The following LILRA1 variants were observed in gnomAD, a reference collection of about 807,000 sequenced individuals.
LILRA1 encodes leukocyte immunoglobulin-like receptor subfamily A member 1.
In LILRA1, 51 loss-of-function variants were observed where a neutral mutation model predicts 51.6. The observed-to-expected ratio is 0.99, with a 90% CI of 0.79 to 1.25. LILRA1 has a LOEUF of 1.25. LILRA1 is among the 50% of genes most tolerant of loss of function. The pLI, the probability that LILRA1 is intolerant of heterozygous loss-of-function variation, is 0.00. For missense variants in LILRA1, 660 were observed against 611.7 expected (o/e 1.08, Z -0.83); for synonymous variants, 305 against 248.4 (o/e 1.23, Z -2.14).
chr19:54,598,747 TA>T (rs1266661563), intron 7 of LILRA1, among the ~76,000 whole-genome samples: 1 of 152,188 alleles, frequency 6.6e-6, no homozygotes, highest in Non-Finnish European at 1.5e-5. Flanking sequence ...ACTTCACTTA[TA>T]AATTGTTAAA....
intron 7 of LILRA1, among the ~76,000 whole-genome samples, chr19:54,597,522 G>C (rs570092047): frequency 1.3e-5 from 2 of 152,152 alleles, no homozygotes; most frequent in East Asian, 3.9e-4. Flanking sequence ...CCCACACCCC[G>C]ACCTTGTCCT....
At position 54,594,271 on chromosome 19, in the gene LILRA1, C is replaced by A; in HGVS notation, c.27C>A (p.Ile9=). ...TGACCCCCATCGTCACAGTCCTGAT[C>A]TGTCTCAGTGAGATTTGAAGAGGGA... MTPIVTVL[I]CLRLSLGPRT... Residue 9 remains isoleucine, a synonymous_variant, in exon 2 of 10, where the codon ATC becomes ATA. Transcript: ENST00000251372. 9.3e-6 allele frequency: 15 copies of A among 1,612,188 alleles called. No individual in the cohort carries two copies. Among genetic ancestry groups the A allele is most frequent in the East Asian group, 2.2e-5 (1 of 44,872 alleles).
In LILRA1 at chr19:54,594,343, A is replaced by G. The variant is rs556098122; in HGVS notation, c.34+65A>G. ...GGACCTCACCCCACAGCCGACCTCTAGTCCCTAAGGAGACCCCAGGGGCTC... is the reference window on the plus strand; with the variant it reads ...GGACCTCACCCCACAGCCGACCTCTGGTCCCTAAGGAGACCCCAGGGGCTC... On this transcript the variant is annotated intron_variant, in intron 2 of 9. Transcript: ENST00000251372. 15 of 1,597,506 alleles carry G rather than the reference A, an allele frequency of 9.4e-6. No homozygotes were observed. The African/African-American group carries it at 1.4e-4, about 15-fold the overall frequency.
At chr19:54,594,137 G>A in intron 1 of LILRA1, 60 bp from the exon 2 acceptor site, 2 of 1,502,930 alleles carry the variant, frequency 1.3e-6, no homozygotes, top group Non-Finnish European at 9.2e-7. Context: ...GCCTCCGAGT[G>A]TCCACACTGG....
rs145746243 is a variant in LILRA1 at position 54,596,239 on chromosome 19, G to A, written c.1009G>A (p.Ala337Thr). Residue 337 changes from alanine (A) to threonine (T), a missense_variant, in exon 7 of 10, where the codon GCC becomes ACC. By Grantham distance (58) the Ala-to-Thr change is moderately conservative (BLOSUM62 0). Coordinates refer to ENST00000251372, the MANE Select transcript of LILRA1 (RefSeq NM_006863.4). ...FISVHPGPTV[A>T]SGENVTLLCQ... is the part of the protein sequence containing the mutation. ...CTCGGTGCATCCGGGCCCCACGGTG[G>A]CCTCAGGAGAGAACGTGACCCTGCT... The A allele has an allele frequency of 1.4e-3, 2,280 of 1,614,010 alleles. 28 individuals are homozygous for A. In the African/African-American group the frequency reaches 0.027, roughly 19 times the overall value.
At chr19:54,599,469 G>T in intron 8 of LILRA1, 183 bp downstream of exon 8, 2 of 1,258,170 alleles carry the variant, frequency 1.6e-6, no homozygotes, top group East Asian at 5.1e-5. Context: ...TAAAATAAGA[G>T]ATAACTATCC....
At chr19:54,599,203 A>G in intron 7 of LILRA1, 33 bp from the exon 8 acceptor site, 1 of 1,533,848 alleles carries the variant, frequency 6.5e-7, no homozygotes, top group Non-Finnish European at 8.8e-7. Context: ...GTTACCTCTG[A>G]ATATGTCTCT....
chr19:54,596,815 T>C (rs1305623077), intron 7 of LILRA1, among the ~76,000 whole-genome samples: 1 of 151,456 alleles, frequency 6.6e-6, no homozygotes, highest in African/African-American at 2.4e-5. Flanking sequence ...TGCCGTGAGC[T>C]GATGTCATGC....
chr19:54,600,652 A>G (rs749093969), intron 9 of LILRA1, 47 bp from the exon 10 acceptor site: 1 of 1,612,562 alleles, frequency 6.2e-7, no homozygotes, highest in Admixed American at 1.7e-5. Flanking sequence ...TCCTGGGTGA[A>G]GTTGATCTGC....
In LILRA1 at chr19:54,601,033, C is replaced by G; in HGVS notation, c.*216C>G. ...ATGAAGGACCATTAACCTGTGATAC[C>G]TTTCCTCTCTATTAATGTTGACTTC... is the stretch of plus-strand genomic sequence containing the variant. On this transcript the variant is annotated 3_prime_UTR_variant, in exon 10 of 10. Transcript: ENST00000251372. 1 of 610,794 alleles carries G rather than the reference C, an allele frequency of 1.6e-6. No homozygotes were observed. Among genetic ancestry groups the G allele is most frequent in the Non-Finnish European group, 2.9e-6 (1 of 344,798 alleles). 37.8% of individuals were successfully genotyped at this position (610,794 alleles called of 1,614,324 possible).
chr19:54,596,571 G>C, intron 7 of LILRA1, 80 bp downstream of exon 7: 1 of 1,573,360 alleles, frequency 6.4e-7, no homozygotes, highest in Non-Finnish European at 8.7e-7. Flanking sequence ...TGGACACTAA[G>C]AAAAGAGGGG....
chr19:54,596,760 G>A (rs1035430468), intron 7 of LILRA1, among the ~76,000 whole-genome samples: 1 of 152,110 alleles, frequency 6.6e-6, no homozygotes, highest in Non-Finnish European at 1.5e-5. Context: ...CCAGGTACTC[G>A]GGAGGCTGAG....
At position 54,600,946 on chromosome 19, in the gene LILRA1, G is replaced by A. The variant is rs562170210; in HGVS notation, c.*129G>A. On this transcript the variant is annotated 3_prime_UTR_variant, in exon 10 of 10. Coordinates refer to ENST00000251372, the MANE Select transcript of LILRA1 (RefSeq NM_006863.4). ...AGGGCTGATGCTATCTGGACTGTCT[G>A]CCAATCATTTTTAGAGGGAGGAATC... 3 of 1,027,212 alleles carry A rather than the reference G, an allele frequency of 2.9e-6. No homozygotes were observed. Among genetic ancestry groups the A allele is most frequent in the South Asian group, 2.7e-5 (2 of 74,768 alleles). The allele number at this position is 1,027,212 out of a possible 1,614,324, so 63.6% of individuals were successfully genotyped here. A position where few individuals can be genotyped will look rare whatever the true frequency, so the allele number is the denominator to read the frequency against.
chr19:54,600,423 C>A, intron 8 of LILRA1, 89 bp from the exon 9 acceptor site: 2 of 1,329,932 alleles, frequency 1.5e-6, no homozygotes, highest in Non-Finnish European at 2.1e-6. Flanking sequence ...CTCCCTAGAA[C>A]TCATGTCAGA....
At chr19:54,599,088 C>A in intron 7 of LILRA1, 148 bp from the exon 8 acceptor site, 1 of 985,428 alleles carries the variant, frequency 1.0e-6, no homozygotes. Flanking sequence ...GCCACTGTGC[C>A]TGGCCTGAAT....
At chr19:54,596,070 G>C (rs968834080) in intron 6 of LILRA1, 119 bp from the exon 7 acceptor site, 11 of 1,441,276 alleles carry the variant, frequency 7.6e-6, no homozygotes, top group Non-Finnish European at 8.5e-6. Context: ...GGGGATGGGC[G>C]GGGCGGGGAA....
At chr19:54,600,634 T>G (rs2063146609) in intron 9 of LILRA1, 65 bp from the exon 10 acceptor site, 1 of 1,608,334 alleles carries the variant, frequency 6.2e-7, no homozygotes, top group Non-Finnish European at 8.5e-7. Context: ...TGGGTGGACA[T>G]CCAGAGGTCC....
At chr19:54,600,170 G>A (rs1278158133) in intron 8 of LILRA1, among the ~76,000 whole-genome samples, 1 of 152,112 alleles carries the variant, frequency 6.6e-6, no homozygotes, top group Admixed American at 6.5e-5. Context: ...TGGTGGATAA[G>A]TGAAACTCTC....
At position 54,602,048 on chromosome 19, in the gene LILRA1, C is replaced by A. The variant is rs1044646014; in HGVS notation, c.*1231C>A. On this transcript the variant is annotated 3_prime_UTR_variant, in exon 10 of 10. Coordinates refer to ENST00000251372, the MANE Select transcript of LILRA1 (RefSeq NM_006863.4). Reference sequence around the variant, plus strand: ...AGAATAAAGAAATCTTATCATTCACCATCTACCCTCTAGAATAAAGAAATC... The same window carrying A: ...AGAATAAAGAAATCTTATCATTCACAATCTACCCTCTAGAATAAAGAAATC... The A allele has an allele frequency of 2.0e-5, 3 of 152,126 alleles. No homozygotes were observed. Among genetic ancestry groups the A allele is most frequent in the African/African-American group, 7.2e-5 (3 of 41,426 alleles). The allele number at this position is 152,126 out of a possible 1,614,324, so 9.4% of individuals were successfully genotyped here.
Sources: allele counts gnomAD v4.1 joint callset (sites outside exome capture counted in the v4.1 genomes callset), GRCh38; gene constraint gnomAD v4.1.1; transcripts MANE v1.5; gene names NCBI Gene and HGNC (gene_info 2026-07-23, HGNC 2026-07-21).